The following MYO3B variants were observed in gnomAD, a reference collection of about 807,000 sequenced individuals.
The protein encoded by MYO3B is myosin-IIIb.
In MYO3B, 156 loss-of-function variants were observed where a neutral mutation model predicts 174.6. The ratio of observed to expected loss-of-function variants is 0.89; its 90% CI spans 0.78 to 1.02. The LOEUF (loss-of-function observed/expected upper bound fraction) is 1.02. MYO3B is among the 50% of genes least tolerant of loss of function. The probability of loss-of-function intolerance (pLI) is 0.00; values close to 1 mark genes in which losing one functional copy is unlikely to be tolerated. For synonymous variants in MYO3B, 563 were observed against 569.1 expected (o/e 0.99, Z 0.15); for missense variants, 1,632 against 1,639.4 (o/e 1.00, Z 0.08).
At chr2:170,330,147 G>A (rs2093901780) in intron 7 of MYO3B, among the ~76,000 whole-genome samples, 1 of 152,072 alleles carries the variant, frequency 6.6e-6, no homozygotes. Context: ...CAGAGGTCCT[G>A]CTTTAAAATT....
chr2:170,653,941 A>C lies in MYO3B; in HGVS notation c.*820A>C, dbSNP rs1257967326. On this transcript the variant is annotated 3_prime_UTR_variant, in exon 35 of 35. Transcript: ENST00000408978. ...TAACTCCATGAGGCTATCAGTGGCT[A>C]CAGTGGAAGGACCTGATCTTGTCCA... 6.6e-6 allele frequency: 1 copy of C among 152,230 alleles called. No homozygotes were observed. Among genetic ancestry groups the C allele is most frequent in the Non-Finnish European group, 1.5e-5 (1 of 68,068 alleles). The allele number at this position is 152,230 out of a possible 1,614,324, so 9.4% of individuals were successfully genotyped here. A position where few individuals can be genotyped will look rare whatever the true frequency, so the allele number is the denominator to read the frequency against.
chr2:170,213,429 T>C (rs111980790), intron 3 of MYO3B, among the ~76,000 whole-genome samples: 2,353 of 152,066 alleles, frequency 0.015, 65 homozygotes, highest in African/African-American at 0.053. Context: ...GACCGGGAAG[T>C]TTCACAGTGT....
At chr2:170,240,235 C>T (rs1193589968) in intron 7 of MYO3B, among the ~76,000 whole-genome samples, 1 of 152,158 alleles carries the variant, frequency 6.6e-6, no homozygotes. Context: ...TTTATACCAA[C>T]CAACTTTTAT....
chr2:170,382,276 TC>T, intron 10 of MYO3B, 164 bp downstream of exon 10: 1 of 540,344 alleles, frequency 1.9e-6, no homozygotes, highest in South Asian at 2.8e-5. Flanking sequence ...GTGACTATGA[TC>T]CTGTGCTGTG....
chr2:170,622,816 T>C lies in MYO3B; in HGVS notation c.3734-28812T>C, dbSNP rs1449305222. 2.8e-5 allele frequency among the ~76,000 whole-genome samples: 4 copies of C among 143,328 alleles called. No homozygotes were observed. In the East Asian group the frequency reaches 8.4e-4, roughly 30 times the overall value. 94.0% of individuals were successfully genotyped at this position (143,328 alleles called of 152,430 possible). On this transcript the variant is annotated intron_variant, in intron 32 of 34. Transcript: ENST00000408978. Reference sequence around the variant, plus strand: ...CAATTCCCACCTATGAGTGAGAACATGCGGTGTTTGGTTTTTTGTCCTTGT... The same window carrying C: ...CAATTCCCACCTATGAGTGAGAACACGCGGTGTTTGGTTTTTTGTCCTTGT...
At chr2:170,513,171 A>T (rs1387364889) in intron 28 of MYO3B, among the ~76,000 whole-genome samples, 2 of 152,126 alleles carry the variant, frequency 1.3e-5, no homozygotes, top group Non-Finnish European at 2.9e-5. Flanking sequence ...TCAGTACTTA[A>T]CATCTGTCAT....
At chr2:170,372,458 C>T (rs1220998313) in intron 9 of MYO3B, among the ~76,000 whole-genome samples, 1 of 152,160 alleles carries the variant, frequency 6.6e-6, no homozygotes, top group Admixed American at 6.5e-5. Flanking sequence ...AAAATAAACA[C>T]TACTGAGGTA....
chr2:170,358,516 G>T (rs2094139178), intron 8 of MYO3B, among the ~76,000 whole-genome samples: 1 of 152,084 alleles, frequency 6.6e-6, no homozygotes, highest in Admixed American at 6.5e-5. Context: ...GGTAATGGTT[G>T]CACAACTGTG....
intron 7 of MYO3B, among the ~76,000 whole-genome samples, chr2:170,272,125 A>G (rs2093429760): frequency 6.7e-6 from 1 of 149,382 alleles, no homozygotes; most frequent in Admixed American, 6.7e-5. Context: ...GGGCTATTCC[A>G]ATGGTTCTCA....
intron 1 of MYO3B, among the ~76,000 whole-genome samples, chr2:170,181,443 CTTA>C (rs1156920718): frequency 6.6e-6 from 1 of 151,976 alleles, no homozygotes; most frequent in East Asian, 1.9e-4. Flanking sequence ...TTTTTCTTGA[CTTA>C]TTATTCTGGC....
chr2:170,562,054 G>A (rs116696287), intron 32 of MYO3B, among the ~76,000 whole-genome samples: 1 of 151,926 alleles, frequency 6.6e-6, no homozygotes, highest in African/African-American at 2.4e-5. Flanking sequence ...AAATTACTTG[G>A]CCATTGCTCA....
chr2:170,568,867 A>G (rs1692239210), intron 32 of MYO3B, among the ~76,000 whole-genome samples: 2 of 152,184 alleles, frequency 1.3e-5, no homozygotes, highest in South Asian at 4.1e-4. Context: ...GTTTCTTTAA[A>G]AAGTAAAGAA....
At chr2:170,405,329 T>C (rs1326847907) in intron 20 of MYO3B, among the ~76,000 whole-genome samples, 3 of 152,198 alleles carry the variant, frequency 2.0e-5, no homozygotes, top group African/African-American at 7.2e-5. Flanking sequence ...ATATACGATC[T>C]TAGAGCACAG....
At chr2:170,179,370 C>T (rs1244951214) in intron 1 of MYO3B, among the ~76,000 whole-genome samples, 1 of 152,098 alleles carries the variant, frequency 6.6e-6, no homozygotes, top group East Asian at 1.9e-4. Flanking sequence ...TGTGAAGAAG[C>T]CAGTTCCTAC....
At chr2:170,216,543 A>C (rs915782569) in intron 5 of MYO3B, among the ~76,000 whole-genome samples, 1 of 152,208 alleles carries the variant, frequency 6.6e-6, no homozygotes, top group Non-Finnish European at 1.5e-5. Flanking sequence ...TGAAGAAGAC[A>C]GTTGGTTAAA....
intron 1 of MYO3B, among the ~76,000 whole-genome samples, chr2:170,188,360 C>T (rs576146559): frequency 1.3e-5 from 2 of 152,086 alleles, no homozygotes; most frequent in South Asian, 4.1e-4. Flanking sequence ...CCGTGTGTGC[C>T]TTGATAAGTG....
intron 25 of MYO3B, among the ~76,000 whole-genome samples, chr2:170,478,548 C>G (rs1386273165): frequency 7.3e-6 from 1 of 137,474 alleles, no homozygotes; most frequent in African/African-American, 2.7e-5. Context: ...CACACACACA[C>G]ACACACACAC....
chr2:170,642,654 G>A (rs987704949), intron 32 of MYO3B, among the ~76,000 whole-genome samples: 7 of 152,124 alleles, frequency 4.6e-5, no homozygotes, highest in African/African-American at 1.7e-4. Context: ...CTGGGATTTT[G>A]AATCAAGAAT....
intron 23 of MYO3B, among the ~76,000 whole-genome samples, chr2:170,455,332 T>TG (rs1316235955): frequency 1.3e-5 from 2 of 152,218 alleles, no homozygotes; most frequent in Admixed American, 1.3e-4. Context: ...AGAAGCAAGA[T>TG]GGAGTCATCA....
Sources: allele counts gnomAD v4.1 joint callset (sites outside exome capture counted in the v4.1 genomes callset), GRCh38; gene constraint gnomAD v4.1.1; transcripts MANE v1.5; gene names NCBI Gene and HGNC (gene_info 2026-07-23, HGNC 2026-07-21).